PITPNC1: variants seen among roughly 807,000 people sequenced by gnomAD.
PITPNC1 encodes the protein phosphatidylinositol transfer protein cytoplasmic 1.
Under a neutral mutation model 44.7 loss-of-function variants are expected in PITPNC1, and 18 were observed. That is an observed-to-expected ratio of 0.40 (90% CI 0.28 to 0.60). PITPNC1 has a LOEUF of 0.60. PITPNC1 is among the 20% of genes least tolerant of loss of function. The pLI is 0.39. For missense variants in PITPNC1, 290 were observed against 418.4 expected, an observed-to-expected ratio of 0.69 and a Z score of 2.68; for synonymous variants, 141 against 149.6, an observed-to-expected ratio of 0.94 and a Z score of 0.42.
chr17:67,423,079 T>C (rs1167620490), intron 1 of PITPNC1, among the ~76,000 whole-genome samples: 1 of 152,130 alleles, frequency 6.6e-6, no homozygotes, highest in Admixed American at 6.6e-5. Context: ...TGTTTTGATA[T>C]GTTGAACAAA....
At chr17:67,511,986 G>A (rs2040189901) in intron 1 of PITPNC1, among the ~76,000 whole-genome samples, 1 of 152,148 alleles carries the variant, frequency 6.6e-6, no homozygotes, top group Non-Finnish European at 1.5e-5. Context: ...ATTTCTGCCT[G>A]GTCTCCTGCT....
chr17:67,662,839 T>C (rs922129566), intron 6 of PITPNC1, among the ~76,000 whole-genome samples: 7 of 152,208 alleles, frequency 4.6e-5, no homozygotes, highest in Non-Finnish European at 5.9e-5. Flanking sequence ...GGGAATATTG[T>C]GTAATGCTGA....
At chr17:67,571,660 G>A (rs1434133439) in intron 4 of PITPNC1, among the ~76,000 whole-genome samples, 1 of 152,196 alleles carries the variant, frequency 6.6e-6, no homozygotes, top group Non-Finnish European at 1.5e-5. Flanking sequence ...CGAAGGTCGC[G>A]TTTTCTAGCT....
At chr17:67,482,607 A>G (rs2039719338) in intron 1 of PITPNC1, among the ~76,000 whole-genome samples, 2 of 152,174 alleles carry the variant, frequency 1.3e-5, no homozygotes, top group Admixed American at 1.3e-4. Flanking sequence ...ACATGATGGA[A>G]TCCACATTTG....
chr17:67,479,241 C>T (rs1290675417), intron 1 of PITPNC1, among the ~76,000 whole-genome samples: 1 of 152,182 alleles, frequency 6.6e-6, no homozygotes, highest in African/African-American at 2.4e-5. Flanking sequence ...CTTTAACACA[C>T]TTTCCTGATG....
chr17:67,446,167 G>T (rs771527801), intron 1 of PITPNC1, among the ~76,000 whole-genome samples: 1 of 151,556 alleles, frequency 6.6e-6, no homozygotes, highest in Admixed American at 6.6e-5. Context: ...GGATGGTCTC[G>T]ATCTCTTGAC....
intron 1 of PITPNC1, among the ~76,000 whole-genome samples, chr17:67,404,292 T>G (rs971633160): frequency 6.6e-6 from 1 of 152,258 alleles, no homozygotes; most frequent in Admixed American, 6.5e-5. Flanking sequence ...TATTTGCATT[T>G]GCCATTCTTT....
intron 6 of PITPNC1, among the ~76,000 whole-genome samples, chr17:67,644,623 CAG>C (rs1205832149): frequency 1.3e-5 from 2 of 151,908 alleles, no homozygotes; most frequent in Non-Finnish European, 2.9e-5. Context: ...TTAGTAGAGA[CAG>C]GGTTTCACCA....
At chr17:67,619,645 T>C (rs759712962) in intron 5 of PITPNC1, among the ~76,000 whole-genome samples, 7 of 152,148 alleles carry the variant, frequency 4.6e-5, no homozygotes, top group African/African-American at 7.2e-5. Flanking sequence ...GCAGCCGCCT[T>C]ACTCCACCCC....
At position 67,695,600 on chromosome 17, in the gene PITPNC1, A is replaced by G. The variant is rs1442371677; in HGVS notation, c.*2712A>G. 4.5e-5 allele frequency: 4 copies of G among 89,520 alleles called. No homozygotes were observed. The highest frequency in any genetic ancestry group is 6.3e-5 in the Non-Finnish European group (3 of 47,622). 5.5% of individuals were successfully genotyped at this position (89,520 alleles called of 1,614,324 possible). A position where few individuals can be genotyped will look rare whatever the true frequency, so the allele number is the denominator to read the frequency against. ...ACTTTGTTCACCAAAATTGTATTAT[A>G]CCTGTGTATATATATATATATATAT... is the stretch of plus-strand genomic sequence containing the variant. On this transcript the variant is annotated 3_prime_UTR_variant, in exon 9 of 9. Transcript: ENST00000581322.
At chr17:67,648,535 A>G (rs1033619562) in intron 6 of PITPNC1, among the ~76,000 whole-genome samples, 3 of 152,178 alleles carry the variant, frequency 2.0e-5, no homozygotes, top group African/African-American at 4.8e-5. Flanking sequence ...AACTATACTC[A>G]TATTGCCAAA....
chr17:67,645,927 C>G (rs2042143432), intron 6 of PITPNC1, among the ~76,000 whole-genome samples: 1 of 152,202 alleles, frequency 6.6e-6, no homozygotes, highest in South Asian at 2.1e-4. Context: ...GAGTTCGAGA[C>G]CAGCCTGGCC....
chr17:67,477,535 G>A (rs912976447), intron 1 of PITPNC1, among the ~76,000 whole-genome samples: 3 of 151,788 alleles, frequency 2.0e-5, no homozygotes, highest in African/African-American at 4.8e-5. Flanking sequence ...GTGAGCCACC[G>A]TGTCCAGCCT....
chr17:67,645,143 C>T (rs2042133016), intron 6 of PITPNC1, among the ~76,000 whole-genome samples: 1 of 152,140 alleles, frequency 6.6e-6, no homozygotes, highest in African/African-American at 2.4e-5. Flanking sequence ...GAGTTTGAGA[C>T]CAGCCTGACC....
chr17:67,525,648 C>CTGCGTCATTTATCCTTCAGG (rs546689918), intron 1 of PITPNC1, among the ~76,000 whole-genome samples: 133 of 152,314 alleles, frequency 8.7e-4, no homozygotes, highest in African/African-American at 3.1e-3. Context: ...GGCCAGAGTT[C>CTGCGTCATTTATCCTTCAGG]TGCGTCATTT....
chr17:67,677,700 C>T (rs1236695349), intron 8 of PITPNC1, among the ~76,000 whole-genome samples: 1 of 151,812 alleles, frequency 6.6e-6, no homozygotes, highest in African/African-American at 2.4e-5. Context: ...TCCCAAGTAG[C>T]TGGGATTACA....
At chr17:67,401,001 A>G (rs1329159657) in intron 1 of PITPNC1, among the ~76,000 whole-genome samples, 1 of 151,590 alleles carries the variant, frequency 6.6e-6, no homozygotes, top group Admixed American at 6.6e-5. Flanking sequence ...AACTCGGCTC[A>G]CTGCATCACT....
intron 1 of PITPNC1, among the ~76,000 whole-genome samples, chr17:67,458,587 G>C (rs977729147): frequency 6.6e-6 from 1 of 151,582 alleles, no homozygotes; most frequent in Non-Finnish European, 1.5e-5. Flanking sequence ...CTCATTTTTT[G>C]TCTTTAACAG....
chr17:67,649,446 A>T (rs1332176891), intron 6 of PITPNC1, among the ~76,000 whole-genome samples: 1 of 152,200 alleles, frequency 6.6e-6, no homozygotes. Context: ...TAGCTTGCTT[A>T]TGAGAATTCT....
Sources: gnomAD v4.1 joint callset for allele counts (sites outside exome capture counted in the v4.1 genomes callset) on GRCh38, gnomAD v4.1.1 for gene constraint, MANE v1.5 for transcripts, NCBI Gene and HGNC (gene_info 2026-07-23, HGNC 2026-07-21) for gene names.